SUN3: variants seen among roughly 807,000 people sequenced by gnomAD.
SUN3 encodes the protein Sad1 and UNC84 domain containing 3, also known as SUN domain-containing protein 3.
In SUN3, 36 loss-of-function variants were observed where a neutral mutation model predicts 48.2. The observed-to-expected ratio is 0.75, with a 90% CI of 0.57 to 0.99. The LOEUF (loss-of-function observed/expected upper bound fraction) is 0.99, where lower values mean the gene tolerates loss of function less well. Ranked by LOEUF, SUN3 falls within the 50% of genes least tolerant of loss-of-function variation. The probability of loss-of-function intolerance (pLI) is 0.00; values close to 1 mark genes in which losing one functional copy is unlikely to be tolerated. For synonymous variants in SUN3, 148 were observed against 147.9 expected (o/e 1.00, Z 0.00); for missense variants, 419 against 433.1 (o/e 0.97, Z 0.29).
At chr7:47,996,240 A>C in intron 6 of SUN3, 94 bp from the exon 7 acceptor site, 1 of 700,916 alleles carries the variant, frequency 1.4e-6, no homozygotes, top group South Asian at 2.1e-5. Flanking sequence ...GAAAATTATT[A>C]CTGGGCAAAT....
Position 47,987,406 on chromosome 7 carries a change from A to C in SUN3, c.998T>G (p.Phe333Cys). The change falls in exon 10 of 10, where the codon TTT becomes TGT. Residue 333 changes from phenylalanine to cysteine, a missense_variant. Coordinates refer to ENST00000297325, the MANE Select transcript of SUN3 (RefSeq NM_001030019.2). ...ATACTTCGGGTGTCCCCAGTTGCTAAAGATATTAAGTTTCACACATAATAA... is the reference window on the plus strand; with the variant it reads ...ATACTTCGGGTGTCCCCAGTTGCTACAGATATTAAGTTTCACACATAATAA... ...EYLLCVKLNIFSNWGHPKYTC... is the reference protein window; with the variant it reads ...EYLLCVKLNICSNWGHPKYTC... 1 of 1,602,784 alleles carries C rather than the reference A, an allele frequency of 6.2e-7. No individual in the cohort carries two copies.
intron 1 of SUN3, among the ~76,000 whole-genome samples, chr7:48,027,730 C>T (rs967943125): frequency 2.0e-5 from 3 of 152,132 alleles, no homozygotes; most frequent in African/African-American, 4.8e-5. Flanking sequence ...ATTAGCCATC[C>T]AAGAGTGTGA....
chr7:48,011,227 T>C lies in SUN3; in HGVS notation c.289-2152A>G, dbSNP rs57516422. ...CCTCCTACAGTGACCATCAATGTGCTATCTGGGAAATAGTGCTCCATCTTT... is the reference window on the plus strand; with the variant it reads ...CCTCCTACAGTGACCATCAATGTGCCATCTGGGAAATAGTGCTCCATCTTT... On this transcript the variant is annotated intron_variant, in intron 3 of 9. Transcript: ENST00000297325. Among the ~76,000 whole-genome samples the C allele has an allele frequency of 3.2e-3, 486 of 152,376 alleles. 5 individuals are homozygous for C. Among genetic ancestry groups the C allele is most frequent in the African/African-American group, 0.011 (468 of 41,596 alleles).
chr7:48,032,387 A>G (rs1790267268), upstream of SUN3, among the ~76,000 whole-genome samples: 1 of 152,248 alleles, frequency 6.6e-6, no homozygotes, highest in South Asian at 2.1e-4. Context: ...CAACTGAAAC[A>G]TAGAAGTTTT....
intron 7 of SUN3, among the ~76,000 whole-genome samples, 178 bp from the exon 8 acceptor site, chr7:47,994,660 GC>G (rs1011441113): frequency 6.6e-6 from 1 of 152,200 alleles, no homozygotes; most frequent in African/African-American, 2.4e-5. Context: ...ATCAATCAGA[GC>G]CCTTTATCAT....
At chr7:47,999,843 G>T (rs1248530285) in intron 6 of SUN3, among the ~76,000 whole-genome samples, 1 of 152,154 alleles carries the variant, frequency 6.6e-6, no homozygotes, top group African/African-American at 2.4e-5. Context: ...CCTCCATTTT[G>T]ATTTCTCCAT....
chr7:48,031,161 G>T (rs1055123010), upstream of SUN3, among the ~76,000 whole-genome samples: 1 of 152,172 alleles, frequency 6.6e-6, no homozygotes, highest in African/African-American at 2.4e-5. Context: ...AAAAGCTTTT[G>T]CACAGCAAAG....
intron 9 of SUN3, among the ~76,000 whole-genome samples, chr7:47,988,514 T>C (rs2128768585): frequency 1.3e-5 from 2 of 152,326 alleles, no homozygotes; most frequent in Admixed American, 6.5e-5. Context: ...GGGAATGGAA[T>C]AGTTAAGAAA....
At chr7:48,024,651 C>T (rs1025077969) in intron 2 of SUN3, among the ~76,000 whole-genome samples, 1 of 152,262 alleles carries the variant, frequency 6.6e-6, no homozygotes, top group East Asian at 1.9e-4. Flanking sequence ...AGAAGCATGG[C>T]ACCAGCATCT....
the SUN3 span, among the ~76,000 whole-genome samples, chr7:48,035,295 G>C: frequency 6.6e-6 from 1 of 150,972 alleles, no homozygotes; most frequent in Admixed American, 6.6e-5. This position sits in a 1 kb window ranked among gnomAD's most constrained non-coding sequence, Gnocchi z 4.0. Context: ...GTAAGGCCCT[G>C]CTCCCACCCC....
At chr7:48,008,980 T>C (rs2128777439) in intron 4 of SUN3, 55 bp downstream of exon 4, 1 of 1,546,786 alleles carries the variant, frequency 6.5e-7, no homozygotes, top group South Asian at 1.2e-5. Flanking sequence ...TACGAAAACA[T>C]TTCAGTATTT....
rs1788971886 is a variant in SUN3, at chr7:47,988,867, T to A, written c.875A>T (p.Lys292Ile). 6.3e-7 allele frequency: 1 copy of A among 1,599,376 alleles called. No individual in the cohort carries two copies. The highest frequency in any genetic ancestry group is 1.3e-5 in the African/African-American group (1 of 74,594). The change falls in exon 9 of 10, where the codon AAA (lysine) becomes ATA (isoleucine). Residue 292 changes from lysine to isoleucine, a missense_variant. Lys to Ile is a moderately radical substitution (Grantham distance 102). Transcript: ENST00000297325. ...KEFSVYGITK[K>I]CEGEEIFLGQ... The stretch of plus-strand genomic sequence containing the variant: ...TAGGAAAATTTCTTCTCCTTCACAT[T>A]TTTTTGTGATGCCCTATAAAGAAAG...
At chr7:48,025,775 T>G in intron 2 of SUN3, 102 bp downstream of exon 2, 2 of 735,568 alleles carry the variant, frequency 2.7e-6, no homozygotes, top group Non-Finnish European at 4.5e-6. Context: ...GCACTTTCCG[T>G]GGCATTTATT....
chr7:47,996,255 A>C lies in SUN3; in HGVS notation c.578-109T>G, dbSNP rs531405973. The C allele has an allele frequency of 8.6e-4, 530 of 612,852 alleles. 11 individuals are homozygous for C. In the South Asian group the frequency reaches 0.012, roughly 14 times the overall value. 38.0% of individuals were successfully genotyped at this position (612,852 alleles called of 1,614,324 possible). On this transcript the variant is annotated intron_variant, in intron 6 of 9. Transcript: ENST00000297325. ...GAAAATTATTACTGGGCAAATTATA[A>C]GCGAGGTAAAATTCATACTCAGGAA...
chr7:48,026,174 C>T (rs1790129212), intron 1 of SUN3, among the ~76,000 whole-genome samples: 1 of 151,912 alleles, frequency 6.6e-6, no homozygotes, highest in Admixed American at 6.6e-5. Context: ...TAGAGTCATG[C>T]CTCTTACTTT....
At chr7:47,994,010 G>C (rs1016825127) in intron 8 of SUN3, among the ~76,000 whole-genome samples, 1 of 152,144 alleles carries the variant, frequency 6.6e-6, no homozygotes, top group African/African-American at 2.4e-5. Context: ...TAAAATTGTT[G>C]CAAGTAGAAG....
intron 5 of SUN3, 148 bp from the exon 6 acceptor site, chr7:48,006,201 A>G (rs1789520954): frequency 1.6e-6 from 1 of 619,218 alleles, no homozygotes; most frequent in Non-Finnish European, 2.9e-6. Flanking sequence ...GGCCCTGTTC[A>G]TGGATCTGGA....
At chr7:48,006,760 T>C (rs1168120624) in intron 5 of SUN3, among the ~76,000 whole-genome samples, 1 of 152,088 alleles carries the variant, frequency 6.6e-6, no homozygotes, top group Admixed American at 6.5e-5. Context: ...AGAAGCAAAA[T>C]AGAGCTTGTG....
chr7:47,995,532 G>A (rs1193850933), intron 7 of SUN3, among the ~76,000 whole-genome samples: 3 of 152,248 alleles, frequency 2.0e-5, no homozygotes, highest in Non-Finnish European at 4.4e-5. Context: ...GTGCTCTGCT[G>A]TCTATTGATG....
Sources: allele counts gnomAD v4.1 joint callset (sites outside exome capture counted in the v4.1 genomes callset), GRCh38; gene constraint gnomAD v4.1.1; non-coding constraint Gnocchi (gnomAD v3.1); transcripts MANE v1.5; gene names NCBI Gene and HGNC (gene_info 2026-07-23, HGNC 2026-07-21).